Variants in M1AP observed in about 807,000 individuals in gnomAD.
M1AP encodes the protein meiosis 1 arrest protein.
M1AP carries 39 observed loss-of-function variants against 51.2 expected under a neutral mutation model. The ratio of observed to expected loss-of-function variants is 0.76; its 90% CI spans 0.59 to 1.00. The LOEUF (loss-of-function observed/expected upper bound fraction) is 1.00, where lower values mean the gene tolerates loss of function less well. Ranked by LOEUF, M1AP falls within the 50% of genes least tolerant of loss-of-function variation. The pLI is 0.00. For synonymous variants in M1AP, 251 were observed against 249.2 expected (o/e 1.01, Z -0.07); for missense variants, 545 against 641.2 (o/e 0.85, Z 1.62).
intron 8 of M1AP, among the ~76,000 whole-genome samples, chr2:74,561,035 A>G (rs138527931): frequency 4.8e-5 from 7 of 147,342 alleles, no homozygotes; most frequent in Admixed American, 2.7e-4. Context: ...GGAAAAGGAG[A>G]AGGAGGAGAA....
At chr2:74,643,752 CCTCT>C (rs1683447857) in intron 1 of M1AP, among the ~76,000 whole-genome samples, 2 of 152,134 alleles carry the variant, frequency 1.3e-5, no homozygotes, top group South Asian at 2.1e-4. Context: ...CACCACAATG[CCTCT>C]CTAATTTGTG....
intron 1 of M1AP, chr2:74,647,395 A>G (rs2104873423): frequency 1.0e-6 from 1 of 985,232 alleles, no homozygotes; most frequent in East Asian, 1.1e-4. Flanking sequence ...AAACGATTCA[A>G]TGGTTCTCCC....
At chr2:74,583,266 G>A (rs1373799270) in intron 4 of M1AP, among the ~76,000 whole-genome samples, 1 of 152,112 alleles carries the variant, frequency 6.6e-6, no homozygotes, top group Non-Finnish European at 1.5e-5. Context: ...GAAAAAAGAT[G>A]AATTTTGGGG....
At chr2:74,585,231 C>T (rs1281183837) in intron 4 of M1AP, among the ~76,000 whole-genome samples, 7 of 152,126 alleles carry the variant, frequency 4.6e-5, no homozygotes, top group Admixed American at 1.3e-4. Flanking sequence ...AACAGCGATG[C>T]GTGCTGGCAG....
At chr2:74,569,493 G>A (rs1328253128) in intron 7 of M1AP, among the ~76,000 whole-genome samples, 1 of 150,820 alleles carries the variant, frequency 6.6e-6, no homozygotes, top group Non-Finnish European at 1.5e-5. Context: ...TGATTCTCGC[G>A]CCTCCCGAGT....
intron 8 of M1AP, among the ~76,000 whole-genome samples, chr2:74,561,091 A>AAGGAGGAGG (rs1677910269): frequency 2.1e-5 from 1 of 47,870 alleles, no homozygotes; most frequent in African/African-American, 8.5e-5. Context: ...GGAGGAGGAG[A>AAGGAGGAGG]AGGAGAAGGA....
intron 7 of M1AP, among the ~76,000 whole-genome samples, chr2:74,571,725 G>A (rs1234965482): frequency 1.3e-5 from 2 of 152,228 alleles, no homozygotes; most frequent in African/African-American, 4.8e-5. Flanking sequence ...GGCCAGGCAC[G>A]GTGGCTCACA....
chr2:74,627,895 T>C (rs1682491183), intron 2 of M1AP, among the ~76,000 whole-genome samples: 1 of 152,174 alleles, frequency 6.6e-6, no homozygotes, highest in Non-Finnish European at 1.5e-5. Flanking sequence ...AAAGCAAAAC[T>C]TACTTCTGAA....
intron 5 of M1AP, among the ~76,000 whole-genome samples, chr2:74,578,825 A>G (rs1259747075): frequency 1.3e-5 from 2 of 152,004 alleles, no homozygotes; most frequent in East Asian, 3.9e-4. Context: ...AAGAGTCTAG[A>G]GGAGGAAAGC....
At chr2:74,577,570 A>ATATTTT (rs1679152096) in intron 5 of M1AP, among the ~76,000 whole-genome samples, 1 of 152,224 alleles carries the variant, frequency 6.6e-6, no homozygotes, top group Admixed American at 6.5e-5. Context: ...ACATAGAAAA[A>ATATTTT]AATAGAGTGG....
chr2:74,647,311 C>A (rs959428535), intron 1 of M1AP: 1 of 985,348 alleles, frequency 1.0e-6, no homozygotes, highest in Non-Finnish European at 1.2e-6. Context: ...TCTGCCTCTG[C>A]GGATGTTCTG....
At chr2:74,610,663 C>T (rs1264052894) in intron 3 of M1AP, among the ~76,000 whole-genome samples, 1 of 151,988 alleles carries the variant, frequency 6.6e-6, no homozygotes, top group Non-Finnish European at 1.5e-5. Flanking sequence ...ACTATGTTGT[C>T]CAGGCCAGTC....
chr2:74,600,959 T>C (rs1166588541), intron 4 of M1AP, among the ~76,000 whole-genome samples: 1 of 152,154 alleles, frequency 6.6e-6, no homozygotes, highest in Non-Finnish European at 1.5e-5. Flanking sequence ...GAAGGACTTC[T>C]ACTACTATTA....
intron 4 of M1AP, among the ~76,000 whole-genome samples, chr2:74,583,700 G>C (rs1217225583): frequency 1.3e-5 from 2 of 152,216 alleles, no homozygotes; most frequent in Admixed American, 1.3e-4. Flanking sequence ...ACCCCAGGGA[G>C]AAGGCTGGAT....
At chr2:74,562,573 A>T (rs11126435) in intron 7 of M1AP, 150 bp from the exon 8 acceptor site, 170,054 of 701,666 alleles carry the variant, frequency 0.24, 39,874 homozygotes, top group East Asian at 0.83. Context: ...GACTTCCTGC[A>T]TGAATCATCA....
At chr2:74,645,792 C>T (rs1683575419) in intron 1 of M1AP, among the ~76,000 whole-genome samples, 1 of 152,284 alleles carries the variant, frequency 6.6e-6, no homozygotes, top group Non-Finnish European at 1.5e-5. Context: ...CTGCTGTACA[C>T]TGCTGCTTTA....
rs75876591 is a variant in M1AP at position 74,611,249 on chromosome 2, T to C, written c.426+3715A>G. ...AGTTTGTAGAGTAGTTAAGAAGAAT[T>C]GCTATTAGTTCTTCTTTAAATGTTT... is the stretch of plus-strand genomic sequence containing the variant. On this transcript the variant is annotated intron_variant, in intron 3 of 10. Coordinates refer to ENST00000421985, the MANE Select transcript of M1AP (RefSeq NM_001321739.2). Among the ~76,000 whole-genome samples the C allele has an allele frequency of 9.8e-4, 149 of 152,324 alleles. 1 individual carries two copies. The East Asian group carries it at 0.026, about 27-fold the overall frequency.
At chr2:74,644,996 C>T (rs1032900488) in intron 1 of M1AP, among the ~76,000 whole-genome samples, 1 of 152,162 alleles carries the variant, frequency 6.6e-6, no homozygotes, top group East Asian at 1.9e-4. Context: ...CCCTTCCACA[C>T]TGTGGAAGCT....
intron 2 of M1AP, among the ~76,000 whole-genome samples, chr2:74,620,301 T>C (rs1285408523): frequency 4.6e-5 from 7 of 152,192 alleles, no homozygotes; most frequent in Non-Finnish European, 8.8e-5. Context: ...TGCCAAGGAC[T>C]CGAAAGATGA....
Sources: gnomAD v4.1 joint callset for allele counts (sites outside exome capture counted in the v4.1 genomes callset) on GRCh38, gnomAD v4.1.1 for gene constraint, MANE v1.5 for transcripts, NCBI Gene and HGNC (gene_info 2026-07-23, HGNC 2026-07-21) for gene names.